Variants in ERC2 observed in about 807,000 individuals in gnomAD.
ERC2 encodes ELKS/RAB6-interacting/CAST family member 2.
In ERC2, 42 loss-of-function variants were observed where a neutral mutation model predicts 114.8. The ratio of observed to expected loss-of-function variants is 0.37; its 90% confidence interval spans 0.29 to 0.47. The LOEUF is 0.47. Ranked by LOEUF, ERC2 falls within the 20% of genes least tolerant of loss-of-function variation. The pLI is 0.99. For missense variants in ERC2, 939 were observed against 1,150.7 expected (o/e 0.82, Z 2.66); for synonymous variants, 454 against 425.5 (o/e 1.07, Z -0.82).
At chr3:55,945,704 C>T (rs1050246185) in intron 13 of ERC2, among the ~76,000 whole-genome samples, 34 of 147,720 alleles carry the variant, frequency 2.3e-4, no homozygotes, top group African/African-American at 7.7e-4. Flanking sequence ...GCCTTTCTAG[C>T]TTTTTTTTTT....
At chr3:56,170,602 T>TG (rs1560298907) in intron 4 of ERC2, among the ~76,000 whole-genome samples, 2 of 143,748 alleles carry the variant, frequency 1.4e-5, no homozygotes, top group Non-Finnish European at 3.0e-5. Flanking sequence ...TTTTTTTTTT[T>TG]TTTTTTTTTT....
chr3:56,242,281 A>G (rs1273558677), intron 3 of ERC2, among the ~76,000 whole-genome samples: 2 of 152,142 alleles, frequency 1.3e-5, no homozygotes, highest in South Asian at 2.1e-4. Flanking sequence ...ACATACAAGC[A>G]TAAGAATGAT....
At chr3:56,049,822 G>A (rs150213572) in intron 7 of ERC2, among the ~76,000 whole-genome samples, 12 of 12,242 alleles carry the variant, frequency 9.8e-4, no homozygotes, top group East Asian at 7.4e-3. Context: ...TCATATATGT[G>A]TGTGTGTGTG....
At chr3:56,016,028 C>A (rs544331604) in intron 8 of ERC2, among the ~76,000 whole-genome samples, 1 of 152,244 alleles carries the variant, frequency 6.6e-6, no homozygotes, top group East Asian at 1.9e-4. Context: ...CTGTTCATGT[C>A]TTTTGACCAC....
chr3:55,601,040 C>G (rs937426549), intron 17 of ERC2, among the ~76,000 whole-genome samples: 3 of 152,158 alleles, frequency 2.0e-5, no homozygotes, highest in African/African-American at 7.2e-5. Flanking sequence ...ACCATGCGGA[C>G]GGGGGCTGGG....
rs571638617 is a variant in ERC2, at chr3:55,867,037, T to A, written c.2564+21352A>T. Among the ~76,000 whole-genome samples the A allele has an allele frequency of 2.0e-4, 31 of 152,184 alleles. No homozygotes were observed. In the South Asian group the frequency reaches 2.3e-3, roughly 11 times the overall value. On this transcript the variant is annotated intron_variant, in intron 14 of 17. Transcript: ENST00000288221. Reference sequence around the variant, plus strand: ...TGAAAATTGAAAATTCATTAGGAATTTATGTTTTGTTTTGTTTTGTTTTGT... The same window carrying A: ...TGAAAATTGAAAATTCATTAGGAATATATGTTTTGTTTTGTTTTGTTTTGT...
intron 17 of ERC2, chr3:55,659,370 T>G (rs1280017615): frequency 6.6e-6 from 1 of 152,276 alleles, no homozygotes; most frequent in African/African-American, 2.4e-5. Flanking sequence ...CAGGCCTGGC[T>G]GTCTGTCATC....
chr3:56,012,035 C>T (rs138775112), intron 8 of ERC2, among the ~76,000 whole-genome samples: 1 of 152,224 alleles, frequency 6.6e-6, no homozygotes, highest in African/African-American at 2.4e-5. Context: ...AGAGAGGAGG[C>T]AGAAATATAA....
intron 7 of ERC2, among the ~76,000 whole-genome samples, chr3:56,049,792 T>C (rs566215660): frequency 6.6e-6 from 1 of 151,202 alleles, no homozygotes; most frequent in African/African-American, 2.4e-5. Context: ...TATAAGTTAA[T>C]GCTACTTAAT....
intron 16 of ERC2, among the ~76,000 whole-genome samples, chr3:55,698,935 G>C (rs911356714): frequency 6.6e-6 from 1 of 152,140 alleles, no homozygotes; most frequent in Non-Finnish European, 1.5e-5. Context: ...AGGCAAAACG[G>C]ATTTCTCTCC....
intron 14 of ERC2, among the ~76,000 whole-genome samples, chr3:55,849,209 C>T (rs150661341): frequency 2.2e-3 from 332 of 152,240 alleles, no homozygotes; most frequent in Non-Finnish European, 3.7e-3. Flanking sequence ...AGTCCCGGAC[C>T]ACCATATGAA....
intron 17 of ERC2, among the ~76,000 whole-genome samples, chr3:55,585,806 G>C (rs537946486): frequency 2.2e-4 from 34 of 152,260 alleles, no homozygotes; most frequent in African/African-American, 7.5e-4. Context: ...TAAGAACACA[G>C]AGTGACCTAG....
intron 10 of ERC2, among the ~76,000 whole-genome samples, chr3:55,994,472 T>A (rs1199002834): frequency 6.6e-6 from 1 of 152,040 alleles, no homozygotes; most frequent in Admixed American, 6.6e-5. Context: ...TTAGGCAAAT[T>A]AATTAGCCTA....
At chr3:56,463,991 C>G (rs181474579) in intron 1 of ERC2, among the ~76,000 whole-genome samples, 179 of 152,292 alleles carry the variant, frequency 1.2e-3, no homozygotes, top group Non-Finnish European at 9.6e-4. Flanking sequence ...ATACACAAAC[C>G]TGTTTTATAG....
chr3:56,426,935 G>A (rs2061591956), intron 2 of ERC2, among the ~76,000 whole-genome samples: 1 of 151,192 alleles, frequency 6.6e-6, no homozygotes, highest in African/African-American at 2.4e-5. Context: ...GCTGAGGCAG[G>A]TGGATTGCTT....
At chr3:55,869,086 C>T (rs932294933) in intron 14 of ERC2, among the ~76,000 whole-genome samples, 1 of 152,056 alleles carries the variant, frequency 6.6e-6, no homozygotes, top group African/African-American at 2.4e-5. Context: ...ATTTTATATC[C>T]AGTTACAGTT....
At chr3:55,748,031 A>G (rs755988346) in intron 14 of ERC2, among the ~76,000 whole-genome samples, 1 of 152,212 alleles carries the variant, frequency 6.6e-6, no homozygotes, top group Non-Finnish European at 1.5e-5. Flanking sequence ...CTGCAGAAGG[A>G]AAGGGTCTGG....
intron 14 of ERC2, among the ~76,000 whole-genome samples, chr3:55,744,086 G>A (rs571691827): frequency 2.6e-5 from 4 of 152,324 alleles, no homozygotes; most frequent in Non-Finnish European, 4.4e-5. Context: ...CTGATTGCCA[G>A]CCCAGTCTTC....
intron 15 of ERC2, among the ~76,000 whole-genome samples, chr3:55,712,664 A>C (rs1331973466): frequency 6.6e-6 from 1 of 152,138 alleles, no homozygotes. Context: ...GAGACTCAAT[A>C]GCTATTTGAT....
Sources: allele counts gnomAD v4.1 joint callset (sites outside exome capture counted in the v4.1 genomes callset), GRCh38; gene constraint gnomAD v4.1.1; transcripts MANE v1.5; gene names NCBI Gene and HGNC (gene_info 2026-07-23, HGNC 2026-07-21).